DLGAP1: variants seen among roughly 807,000 people sequenced by gnomAD.
The protein encoded by DLGAP1 is disks large-associated protein 1.
A neutral mutation model predicts 90.8 loss-of-function variants in DLGAP1; 11 were observed. The observed-to-expected ratio is 0.12, with a 90% confidence interval of 0.08 to 0.20. The LOEUF (loss-of-function observed/expected upper bound fraction) is 0.20, where lower values mean the gene tolerates loss of function less well. Ranked by LOEUF, DLGAP1 falls within the 10% of genes least tolerant of loss-of-function variation. The pLI is 1.00. For synonymous variants in DLGAP1, 558 were observed against 540.7 expected (o/e 1.03, Z -0.44); for missense variants, 1,050 against 1,333.8 (o/e 0.79, Z 3.31).
intron 1 of DLGAP1, among the ~76,000 whole-genome samples, chr18:4,442,053 G>A (rs1403894941): frequency 1.3e-5 from 2 of 152,144 alleles, no homozygotes; most frequent in Non-Finnish European, 2.9e-5. Flanking sequence ...GTGCAGTGGC[G>A]CGATCTCAGC....
chr18:4,393,812 G>C (rs2082385873), intron 1 of DLGAP1, among the ~76,000 whole-genome samples: 1 of 152,142 alleles, frequency 6.6e-6, no homozygotes, highest in African/African-American at 2.4e-5. Flanking sequence ...TTCCACCTCA[G>C]AACATCAGGC....
In DLGAP1 at chr18:3,552,387, G is replaced by C. The variant is rs527532625; in HGVS notation, c.2057+15103C>G. Among the ~76,000 whole-genome samples, 18 of 152,284 alleles carry C rather than the reference G, an allele frequency of 1.2e-4. 1 individual carries two copies. The South Asian group carries it at 3.7e-3, about 32-fold the overall frequency. ...GCTTAGAAGTCTATGCTTTTGGGAAGAGCTTATCCTCTCTAATCCTCACTG... is the reference window on the plus strand; with the variant it reads ...GCTTAGAAGTCTATGCTTTTGGGAACAGCTTATCCTCTCTAATCCTCACTG... On this transcript the variant is annotated intron_variant, in intron 9 of 12. Coordinates refer to ENST00000315677, the MANE Select transcript of DLGAP1 (RefSeq NM_004746.4).
chr18:4,050,764 A>G (rs1225866328), intron 2 of DLGAP1, among the ~76,000 whole-genome samples: 2 of 152,250 alleles, frequency 1.3e-5, no homozygotes, highest in Non-Finnish European at 2.9e-5. Flanking sequence ...TAATCTATGA[A>G]TCCAAGTGGG....
At chr18:4,155,269 T>A (rs2076737179) in intron 1 of DLGAP1, among the ~76,000 whole-genome samples, 1 of 152,174 alleles carries the variant, frequency 6.6e-6, no homozygotes, top group African/African-American at 2.4e-5. Context: ...GTGCACAATT[T>A]ACTTCTACAA....
chr18:3,612,347 G>A (rs2057675340), intron 7 of DLGAP1, among the ~76,000 whole-genome samples: 3 of 152,170 alleles, frequency 2.0e-5, no homozygotes, highest in Admixed American at 2.0e-4. Flanking sequence ...GAGGCTGAAA[G>A]GAAGCAATAT....
chr18:3,740,591 G>T (rs115908476), intron 6 of DLGAP1, among the ~76,000 whole-genome samples: 216 of 152,180 alleles, frequency 1.4e-3, no homozygotes, highest in African/African-American at 5.0e-3. Context: ...TGAGAGCAGT[G>T]TCCCTATTTC....
At chr18:4,093,219 T>C (rs1472701667) in intron 2 of DLGAP1, among the ~76,000 whole-genome samples, 1 of 152,168 alleles carries the variant, frequency 6.6e-6, no homozygotes, top group East Asian at 1.9e-4. Flanking sequence ...AAGTGAAGGC[T>C]ACATTACAAC....
At position 4,454,329 on chromosome 18, in the gene DLGAP1, GC is replaced by G. The variant is rs2083914893; in HGVS notation, c.-267+676del. Among the ~76,000 whole-genome samples, 1 of 152,134 alleles carries G rather than the reference GC, an allele frequency of 6.6e-6. No homozygotes were observed. Among genetic ancestry groups the G allele is most frequent in the Non-Finnish European group, 1.5e-5 (1 of 68,036 alleles). ...CGCTGAATGTCGGGTCTCCCGGCCC[GC>G]CCCGCGATTCTCCGGGAATTGGCCT... On this transcript the variant is annotated intron_variant, in intron 1 of 12. Coordinates refer to ENST00000315677, the MANE Select transcript of DLGAP1 (RefSeq NM_004746.4). The surrounding 1 kb of genome is among the most constrained non-coding windows in gnomAD (Gnocchi z 4.7).
intron 4 of DLGAP1, chr18:3,878,255 T>C (rs936936543): frequency 6.6e-5 from 10 of 150,722 alleles, no homozygotes; most frequent in African/African-American, 2.4e-4. Flanking sequence ...TATGGAAAAA[T>C]GTGCCTTGGG....
chr18:4,354,675 T>G lies in DLGAP1; in HGVS notation c.-267+100331A>C, dbSNP rs187415926. On this transcript the variant is annotated intron_variant, in intron 1 of 12. Coordinates refer to ENST00000315677, the MANE Select transcript of DLGAP1 (RefSeq NM_004746.4). ...GATAGGGAGGAAAGGTATCACATCT[T>G]TTTTGCCCCTACACTGCTCCTCATC... Among the ~76,000 whole-genome samples the G allele has an allele frequency of 2.4e-3, 366 of 151,950 alleles. 6 individuals carry two copies. Among genetic ancestry groups the G allele is most frequent in the East Asian group, 0.016 (80 of 5,142 alleles).
intron 1 of DLGAP1, among the ~76,000 whole-genome samples, chr18:4,265,515 TTTTC>T (rs200607749): frequency 2.1e-5 from 3 of 146,128 alleles, no homozygotes; most frequent in East Asian, 4.0e-4. Context: ...TGTTTCTTCT[TTTTC>T]TTTCTTTCCT....
At chr18:4,255,934 A>C (rs2078879572) in intron 1 of DLGAP1, among the ~76,000 whole-genome samples, 1 of 152,196 alleles carries the variant, frequency 6.6e-6, no homozygotes, top group Non-Finnish European at 1.5e-5. Context: ...TGAGAGAATG[A>C]AAGGTCCGAT....
At chr18:3,731,226 C>G (rs2062415179) in intron 6 of DLGAP1, among the ~76,000 whole-genome samples, 1 of 151,774 alleles carries the variant, frequency 6.6e-6, no homozygotes, top group Admixed American at 6.6e-5. Flanking sequence ...TCATTTTTCC[C>G]CTTTTAATCA....
chr18:4,411,847 G>A (rs1252715404), intron 1 of DLGAP1, among the ~76,000 whole-genome samples: 1 of 152,158 alleles, frequency 6.6e-6, no homozygotes, highest in Non-Finnish European at 1.5e-5. Flanking sequence ...AGGAGAAAGA[G>A]AAATCTGCCA....
chr18:4,083,115 C>T (rs544534004), intron 2 of DLGAP1, among the ~76,000 whole-genome samples: 102 of 152,044 alleles, frequency 6.7e-4, no homozygotes, highest in Non-Finnish European at 1.2e-3. Context: ...CATGTGATTC[C>T]TACTATTGGT....
chr18:4,189,153 C>T (rs1467112331), intron 1 of DLGAP1, among the ~76,000 whole-genome samples: 1 of 151,940 alleles, frequency 6.6e-6, no homozygotes, highest in East Asian at 1.9e-4. Flanking sequence ...AAAATGAATG[C>T]TTTATAACTA....
intron 1 of DLGAP1, among the ~76,000 whole-genome samples, chr18:4,244,687 C>T (rs1334266981): frequency 6.6e-6 from 1 of 152,146 alleles, no homozygotes; most frequent in African/African-American, 2.4e-5. Context: ...ATCTGTGTGT[C>T]ATTTTCTTCA....
At chr18:3,559,031 T>G (rs2053922477) in intron 9 of DLGAP1, among the ~76,000 whole-genome samples, 1 of 152,218 alleles carries the variant, frequency 6.6e-6, no homozygotes, top group South Asian at 2.1e-4. Context: ...AGCATTCTGG[T>G]CTTAGCAGTG....
At position 3,496,509 on chromosome 18, in the gene DLGAP1, G is replaced by T. The variant is rs1227728376; in HGVS notation, c.*2676C>A. ...TTATGTGAATTGTATGGAAACATCT[G>T]CAAAAAATATAATAAATACTTAATT... is the stretch of plus-strand genomic sequence containing the variant. On this transcript the variant is annotated 3_prime_UTR_variant, in exon 13 of 13. Transcript: ENST00000315677. The T allele has an allele frequency of 6.6e-6, 1 of 152,034 alleles. No homozygotes were observed. Among genetic ancestry groups the T allele is most frequent in the East Asian group, 1.9e-4 (1 of 5,196 alleles). 9.4% of individuals were successfully genotyped at this position (152,034 alleles called of 1,614,324 possible).
Sources: allele counts gnomAD v4.1 joint callset (sites outside exome capture counted in the v4.1 genomes callset), GRCh38; gene constraint gnomAD v4.1.1; non-coding constraint Gnocchi (gnomAD v3.1); transcripts MANE v1.5; gene names NCBI Gene and HGNC (gene_info 2026-07-23, HGNC 2026-07-21).